Variants in MACROD2 observed in about 807,000 individuals in gnomAD.
MACROD2 encodes the protein mono-ADP ribosylhydrolase 2, also known as ADP-ribose glycohydrolase MACROD2.
A neutral mutation model predicts 70.4 loss-of-function variants in MACROD2; 36 were observed. The observed-to-expected ratio is 0.51, with a 90% CI of 0.39 to 0.68. The LOEUF is 0.68. MACROD2 is among the 30% of genes least tolerant of loss of function. The pLI is 0.00. For synonymous variants in MACROD2, 172 were observed against 178.8 expected (o/e 0.96, Z 0.30); for missense variants, 496 against 538.4 (o/e 0.92, Z 0.78).
chr20:15,986,990 A>G lies in MACROD2; in HGVS notation c.1061-76A>G, dbSNP rs6034342. On this transcript the variant is annotated intron_variant, in intron 14 of 17. Coordinates refer to ENST00000684519, the MANE Select transcript of MACROD2 (RefSeq NM_001351661.2). ...GGGGAAAAAAGAACTCTAACTTTCT[A>G]TACCATAGTCACAGTATTCTCTCAA... 5.7e-3 allele frequency: 7,526 copies of G among 1,327,422 alleles called. 374 individuals carry two copies. In the African/African-American group the frequency reaches 0.099, roughly 18 times the overall value. 82.2% of individuals were successfully genotyped at this position (1,327,422 alleles called of 1,614,324 possible).
intron 3 of MACROD2, among the ~76,000 whole-genome samples, chr20:14,133,385 T>G (rs2054745675): frequency 6.6e-6 from 1 of 152,224 alleles, no homozygotes; most frequent in Non-Finnish European, 1.5e-5. Flanking sequence ...ATATTAACTC[T>G]GATTATTTGT....
chr20:14,599,655 G>C (rs968204024), intron 4 of MACROD2, among the ~76,000 whole-genome samples: 3 of 152,152 alleles, frequency 2.0e-5, no homozygotes, highest in Admixed American at 2.0e-4. Flanking sequence ...AGAAGGTAGA[G>C]AGATTGGAAG....
At chr20:15,912,170 G>C (rs1311736614) in intron 10 of MACROD2, among the ~76,000 whole-genome samples, 3 of 152,176 alleles carry the variant, frequency 2.0e-5, no homozygotes, top group Non-Finnish European at 4.4e-5. Context: ...GTTGAAATTT[G>C]AACTTCTGTT....
Position 14,102,666 on chromosome 20 carries a change from C to A in MACROD2, c.271+16938C>A, listed in dbSNP as rs114218418. On this transcript the variant is annotated intron_variant, in intron 3 of 17. Transcript: ENST00000684519. Reference sequence around the variant, plus strand: ...ATGCCAGAAATTGCTGGAAATTGTCCAAATCACCACTGTTGATAGCTGTCA... The same window carrying A: ...ATGCCAGAAATTGCTGGAAATTGTCAAAATCACCACTGTTGATAGCTGTCA... 5.8e-3 allele frequency among the ~76,000 whole-genome samples: 888 copies of A among 152,240 alleles called. 7 individuals are homozygous for A. Among genetic ancestry groups the A allele is most frequent in the African/African-American group, 0.02 (827 of 41,542 alleles).
intron 6 of MACROD2, among the ~76,000 whole-genome samples, chr20:15,398,380 C>T (rs2045887107): frequency 6.6e-6 from 1 of 152,044 alleles, no homozygotes; most frequent in Non-Finnish European, 1.5e-5. Flanking sequence ...AATTTGAATC[C>T]ATGTCTTCTC....
chr20:14,578,464 A>C (rs1980769353), intron 4 of MACROD2, among the ~76,000 whole-genome samples: 2 of 152,264 alleles, frequency 1.3e-5, no homozygotes, highest in East Asian at 3.9e-4. Flanking sequence ...TGCCTCTCAG[A>C]TATTCTTTGT....
intron 3 of MACROD2, among the ~76,000 whole-genome samples, chr20:14,401,414 T>C (rs1424381276): frequency 2.0e-5 from 3 of 152,206 alleles, no homozygotes; most frequent in Middle Eastern, 3.2e-3. Context: ...GAGCAAATTT[T>C]AATTGTTACT....
chr20:14,878,748 A>G (rs1370631647), intron 5 of MACROD2, among the ~76,000 whole-genome samples: 1 of 152,158 alleles, frequency 6.6e-6, no homozygotes, highest in Admixed American at 6.6e-5. Context: ...ATTAACCAGC[A>G]GAATTTTAAT....
intron 3 of MACROD2, among the ~76,000 whole-genome samples, chr20:14,189,806 T>G (rs1354336029): frequency 6.6e-6 from 1 of 152,218 alleles, no homozygotes; most frequent in Non-Finnish European, 1.5e-5. Flanking sequence ...ATTCTTATAT[T>G]GTAAGAAGGC....
At chr20:14,369,862 A>G (rs2083306610) in intron 3 of MACROD2, among the ~76,000 whole-genome samples, 1 of 152,240 alleles carries the variant, frequency 6.6e-6, no homozygotes, top group Admixed American at 6.5e-5. Flanking sequence ...TTTCTTTCAC[A>G]TAGTTTCAGA....
chr20:14,120,973 A>G (rs2054581151), intron 3 of MACROD2, among the ~76,000 whole-genome samples: 1 of 151,830 alleles, frequency 6.6e-6, no homozygotes, highest in Non-Finnish European at 1.5e-5. Context: ...ATCATTACAC[A>G]TGTATACCTA....
chr20:15,180,314 T>C (rs2076491458), intron 5 of MACROD2, among the ~76,000 whole-genome samples: 3 of 152,244 alleles, frequency 2.0e-5, no homozygotes, highest in African/African-American at 7.2e-5. Flanking sequence ...TTTTTATCCG[T>C]TTAGCTTTTT....
At chr20:15,365,978 A>T (rs536123036) in intron 6 of MACROD2, among the ~76,000 whole-genome samples, 147 of 152,322 alleles carry the variant, frequency 9.7e-4, no homozygotes, top group African/African-American at 3.5e-3. Context: ...TTTCAAGTGG[A>T]CAAAAACCTT....
chr20:15,312,991 A>G (rs906464153), intron 6 of MACROD2, among the ~76,000 whole-genome samples: 2 of 152,180 alleles, frequency 1.3e-5, no homozygotes, highest in Non-Finnish European at 2.9e-5. Context: ...AAATATTTGC[A>G]TATATGCATG....
At chr20:15,500,167 C>T (rs1019765109) in intron 8 of MACROD2, among the ~76,000 whole-genome samples, 1 of 152,226 alleles carries the variant, frequency 6.6e-6, no homozygotes, top group East Asian at 1.9e-4. Context: ...AAGGAGTTTT[C>T]CTATGCTATT....
At chr20:15,761,155 C>G (rs1428356457) in intron 8 of MACROD2, among the ~76,000 whole-genome samples, 1 of 152,172 alleles carries the variant, frequency 6.6e-6, no homozygotes, top group African/African-American at 2.4e-5. Context: ...AAGTGATGCT[C>G]CTGCCTCAGC....
chr20:14,640,438 A>G (rs181379419), intron 4 of MACROD2, among the ~76,000 whole-genome samples: 20 of 152,294 alleles, frequency 1.3e-4, no homozygotes, highest in Admixed American at 1.1e-3. Flanking sequence ...CATGAACCCT[A>G]AGTCCCTGAG....
At chr20:15,044,955 C>T (rs2075381815) in intron 5 of MACROD2, among the ~76,000 whole-genome samples, 1 of 152,082 alleles carries the variant, frequency 6.6e-6, no homozygotes, top group Non-Finnish European at 1.5e-5. Flanking sequence ...TGTTAAAATG[C>T]AGCATCTGAA....
chr20:15,354,292 T>C (rs1164458129), intron 6 of MACROD2, among the ~76,000 whole-genome samples: 1 of 152,018 alleles, frequency 6.6e-6, no homozygotes, highest in African/African-American at 2.4e-5. Context: ...TAGGTGGGAA[T>C]TGAACAATGA....
Sources: allele counts gnomAD v4.1 joint callset (sites outside exome capture counted in the v4.1 genomes callset), GRCh38; gene constraint gnomAD v4.1.1; transcripts MANE v1.5; gene names NCBI Gene and HGNC (gene_info 2026-07-23, HGNC 2026-07-21).